OSBPL6: variants seen among roughly 807,000 people sequenced by gnomAD.
OSBPL6 encodes the protein oxysterol binding protein like 6.
Under a neutral mutation model 125.8 loss-of-function variants are expected in OSBPL6, and 49 were observed. The ratio of observed to expected loss-of-function variants is 0.39; its 90% confidence interval spans 0.31 to 0.49. The LOEUF (loss-of-function observed/expected upper bound fraction) is 0.49, where lower values mean the gene tolerates loss of function less well. Ranked by LOEUF, OSBPL6 falls within the 20% of genes least tolerant of loss-of-function variation. The pLI is 0.88. For missense variants in OSBPL6, 986 were observed against 1,135.4 expected (o/e 0.87, Z 1.89); for synonymous variants, 394 against 391.8 (o/e 1.01, Z -0.07).
At chr2:178,314,598 A>G (rs1237767215) in intron 3 of OSBPL6, among the ~76,000 whole-genome samples, 1 of 152,238 alleles carries the variant, frequency 6.6e-6, no homozygotes, top group East Asian at 1.9e-4. Flanking sequence ...GACTGGGACC[A>G]ATTTTTGTTA....
chr2:178,240,129 G>T (rs187633440), intron 1 of OSBPL6, among the ~76,000 whole-genome samples: 18 of 152,238 alleles, frequency 1.2e-4, no homozygotes, highest in Admixed American at 1.2e-3. Context: ...AGAAATTGAG[G>T]AGAGGCGAGA....
At chr2:178,393,351 C>G (rs1695581205) in intron 23 of OSBPL6, among the ~76,000 whole-genome samples, 1 of 152,074 alleles carries the variant, frequency 6.6e-6, no homozygotes, top group Admixed American at 6.6e-5. Flanking sequence ...CCTTTAATAC[C>G]TTCTGATTCT....
Position 178,378,096 on chromosome 2 carries a change from T to C in OSBPL6, c.1533+4069T>C, listed in dbSNP as rs1694054752. Among the ~76,000 whole-genome samples, 3 of 152,228 alleles carry C rather than the reference T, an allele frequency of 2.0e-5. No homozygotes were observed. In the South Asian group the frequency reaches 6.2e-4, roughly 32 times the overall value. On this transcript the variant is annotated intron_variant, in intron 15 of 24. Coordinates refer to ENST00000190611, the MANE Select transcript of OSBPL6 (RefSeq NM_032523.4). ...CGCCTGCCTCAGCCTCCCAAAGTGC[T>C]GGGACTACAGGCATGAGCCACTGCG...
chr2:178,260,703 T>C (rs907169858), intron 1 of OSBPL6, among the ~76,000 whole-genome samples: 1 of 152,224 alleles, frequency 6.6e-6, no homozygotes, highest in Non-Finnish European at 1.5e-5. Context: ...CTAATTCAGA[T>C]TGGAAATAAC....
intron 1 of OSBPL6, among the ~76,000 whole-genome samples, chr2:178,218,874 C>T (rs1050574529): frequency 6.6e-6 from 1 of 152,070 alleles, no homozygotes; most frequent in East Asian, 1.9e-4. Context: ...GTGATCTGCC[C>T]ACCTCAGCCT....
At chr2:178,250,671 C>G (rs1489241813) in intron 1 of OSBPL6, among the ~76,000 whole-genome samples, 1 of 152,198 alleles carries the variant, frequency 6.6e-6, no homozygotes, top group Non-Finnish European at 1.5e-5. Context: ...CATTCTCCAA[C>G]TGAACGACTT....
At chr2:178,365,889 TTTTG>T (rs1252297442) in intron 13 of OSBPL6, among the ~76,000 whole-genome samples, 2 of 152,074 alleles carry the variant, frequency 1.3e-5, no homozygotes, top group East Asian at 1.9e-4. Context: ...TCATATCTTT[TTTTG>T]TTTGTTTGTT....
chr2:178,209,439 C>CTTTTTTTTTTTTTTTTTTTT (rs71850875), intron 1 of OSBPL6, among the ~76,000 whole-genome samples: 1 of 95,758 alleles, frequency 1.0e-5, no homozygotes, highest in Non-Finnish European at 2.1e-5. Flanking sequence ...TTCTTTCTTT[C>CTTTTTTTTTTTTTTTTTTTT]TTTTTTTTTT....
chr2:178,290,423 GGTT>G (rs1454051626), intron 2 of OSBPL6, among the ~76,000 whole-genome samples: 2 of 50,196 alleles, frequency 4.0e-5, no homozygotes, highest in East Asian at 1.5e-3. Flanking sequence ...TAATTGTAGT[GGTT>G]TTTTTTTTTT....
At chr2:178,257,511 T>C (rs146125948) in intron 1 of OSBPL6, among the ~76,000 whole-genome samples, 1 of 152,260 alleles carries the variant, frequency 6.6e-6, no homozygotes, top group Non-Finnish European at 1.5e-5. Flanking sequence ...ATTAATGATT[T>C]CTTCAACAAG....
chr2:178,283,854 C>G (rs1452303201), intron 1 of OSBPL6, among the ~76,000 whole-genome samples: 2 of 152,104 alleles, frequency 1.3e-5, no homozygotes. Context: ...GTCCCAGGTT[C>G]TTTTTCAGCA....
At position 178,402,238 on chromosome 2, in the gene OSBPL6, G is replaced by A. The variant is rs1696121697; in HGVS notation, c.*6679G>A. ...GTAATATGGAGATAAAGAGTGGGGA[G>A]GACAGAACTCTGAAACCTAAAAGGC... On this transcript the variant is annotated 3_prime_UTR_variant, in exon 25 of 25. Transcript: ENST00000190611. The A allele has an allele frequency of 6.6e-6, 1 of 152,174 alleles. No individual in the cohort carries two copies. The highest frequency in any genetic ancestry group is 2.4e-5 in the African/African-American group (1 of 41,428). The allele number at this position is 152,174 out of a possible 1,614,324, so 9.4% of individuals were successfully genotyped here.
At position 178,217,258 on chromosome 2, in the gene OSBPL6, G is replaced by A. The variant is rs113164389; in HGVS notation, c.-351+22584G>A. 6.6e-5 allele frequency among the ~76,000 whole-genome samples: 10 copies of A among 152,264 alleles called. 1 individual carries two copies. Among genetic ancestry groups the A allele is most frequent in the African/African-American group, 2.4e-4 (10 of 41,560 alleles). On this transcript the variant is annotated intron_variant, in intron 1 of 24. Transcript: ENST00000190611. ...TCTTTGTACTGTTCGTGCAACTTAA[G>A]TTATTTTAAAATAGAGTATTTTTAA...
chr2:178,264,244 T>C (rs555771640), intron 1 of OSBPL6, among the ~76,000 whole-genome samples: 1 of 152,344 alleles, frequency 6.6e-6, no homozygotes, highest in Non-Finnish European at 1.5e-5. Flanking sequence ...TTCTCTCATA[T>C]AAATGTCCAA....
In OSBPL6 at chr2:178,302,838, C is replaced by T. The variant is rs138414011; in HGVS notation, c.-155-3192C>T. 5.5e-3 allele frequency among the ~76,000 whole-genome samples: 834 copies of T among 152,196 alleles called. 7 individuals carry two copies. The highest frequency in any genetic ancestry group is 0.019 in the African/African-American group (771 of 41,522). On this transcript the variant is annotated intron_variant, in intron 2 of 24. Transcript: ENST00000190611. Reference sequence around the variant, plus strand: ...AGTACAGTTTTTTAAATGAAAAAATCCAGCAGAGGAAATATACCTTGGATT... The same window carrying T: ...AGTACAGTTTTTTAAATGAAAAAATTCAGCAGAGGAAATATACCTTGGATT...
intron 1 of OSBPL6, among the ~76,000 whole-genome samples, chr2:178,219,418 T>G (rs1205542233): frequency 6.6e-6 from 1 of 152,236 alleles, no homozygotes; most frequent in East Asian, 1.9e-4. Context: ...TGTGGTGCTT[T>G]AATCCTACTA....
Position 178,339,771 on chromosome 2 carries a change from A to G in OSBPL6, c.987+7A>G, listed in dbSNP as rs1690041049. ...TACAAAAATACAACTGCAGGTACAG[A>G]TTTTACTTTTCCTTCATTCACGTTT... On this transcript the variant is annotated splice_region_variant and intron_variant, in intron 11 of 24. Coordinates refer to ENST00000190611, the MANE Select transcript of OSBPL6 (RefSeq NM_032523.4). 6.3e-7 allele frequency: 1 copy of G among 1,588,796 alleles called. No individual in the cohort carries two copies. The highest frequency in any genetic ancestry group is 1.4e-5 in the African/African-American group (1 of 73,428).
intron 1 of OSBPL6, among the ~76,000 whole-genome samples, chr2:178,251,360 CTTTTT>C (rs761646626): frequency 7.1e-6 from 1 of 141,050 alleles, no homozygotes; most frequent in African/African-American, 2.6e-5. Context: ...TACTATGGTT[CTTTTT>C]TTTTTTTTTC....
chr2:178,383,822 C>G (rs986450491), intron 17 of OSBPL6, among the ~76,000 whole-genome samples: 8 of 152,206 alleles, frequency 5.3e-5, no homozygotes, highest in African/African-American at 1.9e-4. Context: ...TGCTTCACCT[C>G]AGTGGCCTGC....
Sources: gnomAD v4.1 joint callset for allele counts (sites outside exome capture counted in the v4.1 genomes callset) on GRCh38, gnomAD v4.1.1 for gene constraint, MANE v1.5 for transcripts, NCBI Gene and HGNC (gene_info 2026-07-23, HGNC 2026-07-21) for gene names.